Variants in TXLNG observed in about 807,000 individuals in gnomAD.
TXLNG encodes gamma-taxilin.
TXLNG carries 5 observed loss-of-function variants against 38.8 expected under a neutral mutation model. That is an observed-to-expected ratio of 0.13 (90% CI 0.07 to 0.27). TXLNG has a LOEUF of 0.27. TXLNG is among the 10% of genes least tolerant of loss of function. The pLI is 1.00. For missense variants in TXLNG, 393 were observed against 398.2 expected (o/e 0.99, Z 0.11); for synonymous variants, 182 against 158.2 (o/e 1.15, Z -1.13).
intron 1 of TXLNG, among the ~76,000 whole-genome samples, chrX:16,813,060 G>C (rs1254941597): frequency 9.0e-6 from 1 of 110,534 alleles, no homozygotes; most frequent in Non-Finnish European, 1.9e-5. Context: ...ATCTGGTAAG[G>C]GACTTGTAGC....
chrX:16,791,543 A>G (rs1021786661), intron 1 of TXLNG, among the ~76,000 whole-genome samples: 3 of 112,110 alleles, frequency 2.7e-5, no homozygotes, highest in East Asian at 2.8e-4. Context: ...ATATTATGTC[A>G]TATTTATTAT....
intron 1 of TXLNG, among the ~76,000 whole-genome samples, chrX:16,794,108 A>G (rs917203169): frequency 1.2e-4 from 13 of 111,790 alleles, no homozygotes; most frequent in African/African-American, 3.6e-4. Flanking sequence ...TGGCCTCCCT[A>G]TGGCCACACA....
At chrX:16,826,112 A>G (rs1324569205) in intron 3 of TXLNG, among the ~76,000 whole-genome samples, 2 of 111,914 alleles carry the variant, frequency 1.8e-5, no homozygotes, top group Non-Finnish European at 3.8e-5. Context: ...CGAAGGAATA[A>G]TGAACGCCGG....
chrX:16,810,148 A>G (rs1416107523), intron 1 of TXLNG, among the ~76,000 whole-genome samples: 1 of 111,914 alleles, frequency 8.9e-6, no homozygotes, highest in African/African-American at 3.2e-5. Flanking sequence ...TGTTGTGAGG[A>G]TTAAGCTAAT....
intron 1 of TXLNG, among the ~76,000 whole-genome samples, chrX:16,794,235 CT>C (rs751723744): frequency 1.5e-4 from 17 of 111,773 alleles, no homozygotes; most frequent in African/African-American, 5.2e-4. Flanking sequence ...ATAAGTGCCC[CT>C]AGTTGAAAGT....
At chrX:16,806,316 T>C (rs895421878) in intron 1 of TXLNG, among the ~76,000 whole-genome samples, 1 of 112,541 alleles carries the variant, frequency 8.9e-6, no homozygotes, top group Non-Finnish European at 1.9e-5. Flanking sequence ...TTGATATCTT[T>C]CACTATTTCC....
At chrX:16,801,747 G>A (rs1928099967) in intron 1 of TXLNG, among the ~76,000 whole-genome samples, 2 of 110,590 alleles carry the variant, frequency 1.8e-5, no homozygotes, top group African/African-American at 3.3e-5. Context: ...TGAGTCTACA[G>A]TCATTGGTGA....
Position 16,842,864 on chromosome X carries a change from G to A in TXLNG, c.*1098G>A, listed in dbSNP as rs777861726. ...GTTAGTCATGATCTGTTACTTACGT[G>A]TTCAGTCTGTTTTCTCACCCCCTTC... On this transcript the variant is annotated 3_prime_UTR_variant, in exon 10 of 10. Coordinates refer to ENST00000380122, the MANE Select transcript of TXLNG (RefSeq NM_018360.3). 5.1e-4 allele frequency: 57 copies of A among 111,807 alleles called. No individual in the cohort carries two copies. The highest frequency in any genetic ancestry group is 1.0e-3 in the Admixed American group (11 of 10,516). 9.2% of individuals were successfully genotyped at this position (111,807 alleles called of 1,213,427 possible). A position where few individuals can be genotyped will look rare whatever the true frequency, so the allele number is the denominator to read the frequency against.
At chrX:16,813,564 T>G (rs780156143) in intron 1 of TXLNG, among the ~76,000 whole-genome samples, 40 of 106,257 alleles carry the variant, frequency 3.8e-4, no homozygotes, top group Middle Eastern at 4.8e-3. Flanking sequence ...GAGAAGATGC[T>G]TTGAGCCCAG....
chrX:16,799,868 T>G (rs954622598), intron 1 of TXLNG, among the ~76,000 whole-genome samples: 4 of 112,454 alleles, frequency 3.6e-5, no homozygotes, highest in African/African-American at 1.3e-4. Flanking sequence ...GTTAGCCATC[T>G]TGTGTGTTCC....
intron 1 of TXLNG, among the ~76,000 whole-genome samples, chrX:16,804,979 C>CCG (rs1928275713): frequency 1.9e-4 from 1 of 5,347 alleles, no homozygotes; most frequent in Non-Finnish European, 4.4e-4. Context: ...CCACCCCCCC[C>CCG]CCCCGCTTTT....
chrX:16,826,837 C>T (rs1929185700), intron 3 of TXLNG, among the ~76,000 whole-genome samples: 1 of 109,989 alleles, frequency 9.1e-6, no homozygotes, highest in East Asian at 2.9e-4. Context: ...GAGGCTGAGG[C>T]AGGAGAATCG....
chrX:16,833,087 G>A (rs917631691), intron 6 of TXLNG, among the ~76,000 whole-genome samples: 1 of 112,251 alleles, frequency 8.9e-6, no homozygotes, highest in Non-Finnish European at 1.9e-5. Flanking sequence ...CAAGAGTTGT[G>A]TGCTCACATT....
At chrX:16,803,735 C>T (rs1403617114) in intron 1 of TXLNG, among the ~76,000 whole-genome samples, 3 of 107,553 alleles carry the variant, frequency 2.8e-5, no homozygotes, top group Admixed American at 9.8e-5. Context: ...GGGCAGATCA[C>T]GAGGTCAGGA....
At chrX:16,789,887 C>T (rs189134733) in intron 1 of TXLNG, among the ~76,000 whole-genome samples, 14 of 109,252 alleles carry the variant, frequency 1.3e-4, no homozygotes, top group Admixed American at 5.0e-4. Flanking sequence ...CTCCGCCTCC[C>T]GGGTTCAAGC....
At chrX:16,794,057 G>A (rs758307311) in intron 1 of TXLNG, among the ~76,000 whole-genome samples, 11 of 111,836 alleles carry the variant, frequency 9.8e-5, no homozygotes, top group Non-Finnish European at 1.3e-4. Context: ...AAGAAGGTAA[G>A]TACTGTACAT....
chrX:16,840,988 A>AGC (rs1929787716), intron 9 of TXLNG, among the ~76,000 whole-genome samples: 1 of 111,043 alleles, frequency 9.0e-6, no homozygotes, highest in Non-Finnish European at 1.9e-5. Flanking sequence ...CGAGGTCAGG[A>AGC]AATCAAGACC....
intron 1 of TXLNG, among the ~76,000 whole-genome samples, chrX:16,793,080 T>C (rs1327527048): frequency 2.9e-5 from 3 of 105,154 alleles, no homozygotes; most frequent in East Asian, 2.9e-4. Context: ...CTGGGTGACA[T>C]AGAGGGAGAC....
chrX:16,821,138 TTC>T (rs199527837), intron 3 of TXLNG, among the ~76,000 whole-genome samples: 21,927 of 47,577 alleles, frequency 0.46, 4,502 homozygotes, highest in East Asian at 0.8. Flanking sequence ...CTTTCTTTCT[TTC>T]TTTTTTTTTT....
Sources: gnomAD v4.1 joint callset for allele counts (sites outside exome capture counted in the v4.1 genomes callset) on GRCh38, gnomAD v4.1.1 for gene constraint, MANE v1.5 for transcripts, NCBI Gene and HGNC (gene_info 2026-07-23, HGNC 2026-07-21) for gene names.